RNGTT: variants seen among roughly 807,000 people sequenced by gnomAD.
RNGTT encodes mRNA-capping enzyme.
Under a neutral mutation model 79.3 loss-of-function variants are expected in RNGTT, and 33 were observed. That is an observed-to-expected ratio of 0.42 (90% CI 0.32 to 0.56). RNGTT has a LOEUF of 0.56. RNGTT is among the 20% of genes least tolerant of loss of function. The pLI is 0.17. For missense variants in RNGTT, 497 were observed against 739.1 expected (o/e 0.67, Z 3.80); for synonymous variants, 222 against 235.9 (o/e 0.94, Z 0.54).
At chr6:88,632,512 A>T (rs964483898) in intron 14 of RNGTT, among the ~76,000 whole-genome samples, 1 of 149,260 alleles carries the variant, frequency 6.7e-6, no homozygotes, top group African/African-American at 2.5e-5. Context: ...AACAGTTTAT[A>T]TAGCAACCAA....
chr6:88,640,501 C>A, intron 14 of RNGTT, among the ~76,000 whole-genome samples: 1 of 143,182 alleles, frequency 7.0e-6, no homozygotes, highest in African/African-American at 2.6e-5. Context: ...GAACTATGAT[C>A]ACACCACTGC....
In RNGTT at chr6:88,760,426, T is replaced by C. The variant is rs183531010; in HGVS notation, c.1439+9348A>G. 5.9e-5 allele frequency among the ~76,000 whole-genome samples: 9 copies of C among 152,302 alleles called. No individual in the cohort carries two copies. In the East Asian group the frequency reaches 1.7e-3, roughly 29 times the overall value. On this transcript the variant is annotated intron_variant, in intron 13 of 15. Coordinates refer to ENST00000369485, the MANE Select transcript of RNGTT (RefSeq NM_003800.5). ...TCAAGAATGTTAACAGTAGTAACCA[T>C]TCAAAGACTGAAAGCCAACGAAGCA...
intron 13 of RNGTT, among the ~76,000 whole-genome samples, chr6:88,751,547 T>A (rs1777839931): frequency 6.6e-6 from 1 of 152,122 alleles, no homozygotes; most frequent in South Asian, 2.1e-4. Flanking sequence ...ATTTGATGAC[T>A]GAAAACATGT....
At chr6:88,835,054 C>G (rs1395800125) in intron 11 of RNGTT, among the ~76,000 whole-genome samples, 1 of 152,042 alleles carries the variant, frequency 6.6e-6, no homozygotes, top group East Asian at 1.9e-4. Flanking sequence ...ATAAAGCAAA[C>G]ATTTTACTTT....
At chr6:88,897,020 C>G (rs1783273884) in intron 6 of RNGTT, among the ~76,000 whole-genome samples, 1 of 152,128 alleles carries the variant, frequency 6.6e-6, no homozygotes, top group Admixed American at 6.6e-5. Context: ...TGATTGAGTG[C>G]CGACAGCATT....
At chr6:88,829,245 T>G (rs540573243) in intron 11 of RNGTT, among the ~76,000 whole-genome samples, 1 of 152,298 alleles carries the variant, frequency 6.6e-6, no homozygotes, top group South Asian at 2.1e-4. Context: ...GGAAAGAATT[T>G]TCAACCCAGA....
intron 4 of RNGTT, among the ~76,000 whole-genome samples, chr6:88,908,981 C>G (rs1783748034): frequency 6.6e-6 from 1 of 152,058 alleles, no homozygotes; most frequent in Non-Finnish European, 1.5e-5. Context: ...TCCCACTTCC[C>G]CAGGACTCAA....
In RNGTT at chr6:88,627,269, T is replaced by A. The variant is rs562156337; in HGVS notation, c.1507-12874A>T. Among the ~76,000 whole-genome samples, 6 of 152,276 alleles carry A rather than the reference T, an allele frequency of 3.9e-5. No individual in the cohort carries two copies. In the South Asian group the frequency reaches 8.3e-4, roughly 21 times the overall value. Reference sequence around the variant, plus strand: ...AGTTTATTTTAATGATTATTAAATATCCATGTTTAACAAAGTTCACAATGT... The same window carrying A: ...AGTTTATTTTAATGATTATTAAATAACCATGTTTAACAAAGTTCACAATGT... On this transcript the variant is annotated intron_variant, in intron 14 of 15. Transcript: ENST00000369485.
intron 8 of RNGTT, among the ~76,000 whole-genome samples, chr6:88,879,687 G>A (rs1265758489): frequency 6.6e-6 from 1 of 151,920 alleles, no homozygotes; most frequent in East Asian, 1.9e-4. Flanking sequence ...ACAATTAATG[G>A]GAAGAAATCT....
chr6:88,943,666 A>G (rs1784920850), intron 1 of RNGTT, among the ~76,000 whole-genome samples: 3 of 152,180 alleles, frequency 2.0e-5, no homozygotes, highest in Admixed American at 2.0e-4. Context: ...AACATAATAA[A>G]TAAATAAATA....
At chr6:88,665,375 C>T (rs2127783848) in intron 14 of RNGTT, among the ~76,000 whole-genome samples, 1 of 152,268 alleles carries the variant, frequency 6.6e-6, no homozygotes, top group East Asian at 1.9e-4. Flanking sequence ...ATCTTAAGCA[C>T]CTGAGGACTT....
intron 15 of RNGTT, among the ~76,000 whole-genome samples, chr6:88,613,292 A>G (rs1772101612): frequency 6.6e-6 from 1 of 152,224 alleles, no homozygotes; most frequent in Non-Finnish European, 1.5e-5. Context: ...ACGAAACATA[A>G]AACATGGCAC....
intron 4 of RNGTT, among the ~76,000 whole-genome samples, chr6:88,914,445 A>T (rs1347239508): frequency 6.6e-6 from 1 of 152,142 alleles, no homozygotes. Flanking sequence ...AAAGACACAC[A>T]GACAAATGCA....
chr6:88,635,334 C>A (rs190340080), intron 14 of RNGTT, among the ~76,000 whole-genome samples: 1 of 151,988 alleles, frequency 6.6e-6, no homozygotes, highest in African/African-American at 2.4e-5. Context: ...TTTGGTTACA[C>A]GAACATTCTA....
chr6:88,655,369 T>C (rs953809476), intron 14 of RNGTT, among the ~76,000 whole-genome samples: 5 of 152,196 alleles, frequency 3.3e-5, no homozygotes, highest in African/African-American at 1.2e-4. Context: ...GATGGTTTGA[T>C]AGATTTTCAA....
At chr6:88,794,157 GT>G (rs1469837218) in intron 12 of RNGTT, among the ~76,000 whole-genome samples, 2 of 152,156 alleles carry the variant, frequency 1.3e-5, no homozygotes, top group African/African-American at 4.8e-5. Flanking sequence ...CTGTTTGTTT[GT>G]TTGTTTAACC....
At chr6:88,815,456 G>C (rs973324090) in intron 11 of RNGTT, among the ~76,000 whole-genome samples, 3 of 152,204 alleles carry the variant, frequency 2.0e-5, no homozygotes, top group Admixed American at 2.0e-4. Context: ...GAGGGAGTCA[G>C]TGGGGACCTC....
chr6:88,687,653 T>C (rs994005725), intron 13 of RNGTT, among the ~76,000 whole-genome samples: 5 of 152,130 alleles, frequency 3.3e-5, no homozygotes, highest in Non-Finnish European at 7.4e-5. Context: ...ATATATTTAC[T>C]GTGTTAAGTG....
chr6:88,739,881 C>G (rs906844669), intron 13 of RNGTT, among the ~76,000 whole-genome samples: 20 of 150,270 alleles, frequency 1.3e-4, no homozygotes, highest in Admixed American at 1.1e-3. Context: ...GAGGATTTAT[C>G]CTTTAGATAT....
Sources: gnomAD v4.1 joint callset for allele counts (sites outside exome capture counted in the v4.1 genomes callset) on GRCh38, gnomAD v4.1.1 for gene constraint, MANE v1.5 for transcripts, NCBI Gene and HGNC (gene_info 2026-07-23, HGNC 2026-07-21) for gene names.